Variants in RELL1 observed in about 807,000 individuals in gnomAD.
RELL1 encodes RELT like 1, also known as RELT-like protein 1.
Under a neutral mutation model 23.0 loss-of-function variants are expected in RELL1, and 10 were observed. That is an observed-to-expected ratio of 0.43 (90% CI 0.27 to 0.74). The LOEUF (loss-of-function observed/expected upper bound fraction) is 0.74. Among genes scored for constraint, RELL1 ranks in the 30% least tolerant of loss-of-function variants. The pLI is 0.19. For missense variants in RELL1, 315 were observed against 364.4 expected (o/e 0.86, Z 1.10); for synonymous variants, 146 against 146.8 (o/e 0.99, Z 0.04).
chr4:37,681,465 G>A (rs1331639548), intron 1 of RELL1, among the ~76,000 whole-genome samples: 2 of 151,104 alleles, frequency 1.3e-5, no homozygotes, highest in African/African-American at 2.4e-5. Flanking sequence ...TTTTACAGGT[G>A]AGGAAATGGA....
intron 1 of RELL1, among the ~76,000 whole-genome samples, chr4:37,680,399 G>T (rs1054355483): frequency 6.6e-6 from 1 of 152,108 alleles, no homozygotes; most frequent in Non-Finnish European, 1.5e-5. Context: ...ATGCACAGAG[G>T]CATTCATTGA....
At chr4:37,665,030 C>A (rs1028360837) in intron 1 of RELL1, among the ~76,000 whole-genome samples, 2 of 152,178 alleles carry the variant, frequency 1.3e-5, no homozygotes, top group Non-Finnish European at 2.9e-5. Context: ...ACAGTTCCTG[C>A]AACACAGTAG....
intron 1 of RELL1, among the ~76,000 whole-genome samples, chr4:37,663,212 C>T (rs1721415804): frequency 6.6e-6 from 1 of 152,152 alleles, no homozygotes; most frequent in African/African-American, 2.4e-5. Context: ...GCCCCTCCTC[C>T]TTTTGCTATT....
chr4:37,636,855 G>A (rs1286893064), intron 4 of RELL1, among the ~76,000 whole-genome samples: 3 of 152,044 alleles, frequency 2.0e-5, no homozygotes, highest in Non-Finnish European at 4.4e-5. Flanking sequence ...GATGCAAACT[G>A]GCCACCTACA....
At chr4:37,621,104 G>A (rs1719745904) in intron 6 of RELL1, among the ~76,000 whole-genome samples, 2 of 152,182 alleles carry the variant, frequency 1.3e-5, no homozygotes, top group African/African-American at 4.8e-5. Flanking sequence ...ACAGAAAATA[G>A]GTACTGTTTT....
At chr4:37,656,388 C>G (rs1577594099) in intron 1 of RELL1, among the ~76,000 whole-genome samples, 2 of 152,124 alleles carry the variant, frequency 1.3e-5, no homozygotes, top group African/African-American at 4.8e-5. Context: ...TCAACAGGCA[C>G]AAAATATAAA....
intron 1 of RELL1, among the ~76,000 whole-genome samples, chr4:37,659,743 T>C (rs1330308327): frequency 6.6e-6 from 1 of 152,146 alleles, no homozygotes; most frequent in African/African-American, 2.4e-5. Flanking sequence ...TCATTCACTC[T>C]GGGCTGACAC....
chr4:37,618,057 G>A (rs1719632568), intron 6 of RELL1, among the ~76,000 whole-genome samples: 1 of 152,164 alleles, frequency 6.6e-6, no homozygotes, highest in African/African-American at 2.4e-5. Context: ...TGTATGCAGG[G>A]AGGAAGCTTA....
intron 6 of RELL1, among the ~76,000 whole-genome samples, chr4:37,620,409 C>T (rs1335193516): frequency 6.6e-6 from 1 of 152,176 alleles, no homozygotes; most frequent in African/African-American, 2.4e-5. Context: ...ATTTACCAGC[C>T]TTTGAGATGG....
intron 6 of RELL1, among the ~76,000 whole-genome samples, chr4:37,618,045 A>C (rs925483850): frequency 1.3e-5 from 2 of 152,228 alleles, no homozygotes; most frequent in African/African-American, 2.4e-5. Flanking sequence ...GAAGGAGCTT[A>C]GTGTATGCAG....
downstream of RELL1, among the ~76,000 whole-genome samples, chr4:37,586,428 T>G (rs1050743626): frequency 2.6e-5 from 4 of 152,012 alleles, no homozygotes; most frequent in African/African-American, 9.7e-5. Flanking sequence ...TGAAGAAGGG[T>G]GGAGCACGGT....
At chr4:37,673,176 CTTT>C (rs970597747) in intron 1 of RELL1, among the ~76,000 whole-genome samples, 15 of 49,986 alleles carry the variant, frequency 3.0e-4, no homozygotes, top group African/African-American at 8.6e-4. Context: ...AGACTATATA[CTTT>C]TTTTTTCTTT....
chr4:37,653,123 CG>C (rs772204693), intron 1 of RELL1, among the ~76,000 whole-genome samples: 28 of 152,074 alleles, frequency 1.8e-4, no homozygotes, highest in Admixed American at 1.0e-3. Context: ...CAAGAAATTG[CG>C]TTTCCTTTTG....
chr4:37,594,846 C>T (rs1449984464), intron 6 of RELL1, among the ~76,000 whole-genome samples: 1 of 152,142 alleles, frequency 6.6e-6, no homozygotes, highest in Middle Eastern at 3.2e-3. Flanking sequence ...GAATGAGACA[C>T]CAGATGCAAG....
At chr4:37,615,100 C>T (rs941563341) in intron 6 of RELL1, among the ~76,000 whole-genome samples, 12 of 152,138 alleles carry the variant, frequency 7.9e-5, no homozygotes, top group Admixed American at 3.3e-4. Context: ...CTATGCACAA[C>T]GCTTAATACG....
At chr4:37,608,037 T>C (rs1281731327), downstream of RELL1, among the ~76,000 whole-genome samples, 8 of 152,234 alleles carry the variant, frequency 5.3e-5, no homozygotes, top group Admixed American at 5.2e-4. Flanking sequence ...ACTATTGTAA[T>C]TGTTTTGGGA....
intron 5 of RELL1, 99 bp from the exon 6 acceptor site, chr4:37,631,622 C>G (rs996102262): frequency 1.0e-5 from 14 of 1,355,416 alleles, no homozygotes; most frequent in Non-Finnish European, 1.4e-5. Flanking sequence ...CTCAAATGAA[C>G]TCAGCCAAAA....
chr4:37,669,496 G>C (rs1437198118), intron 1 of RELL1, among the ~76,000 whole-genome samples: 3 of 151,920 alleles, frequency 2.0e-5, no homozygotes, highest in Non-Finnish European at 2.9e-5. Context: ...GAAGTGAGGA[G>C]CCCCTCTGCC....
intron 6 of RELL1, among the ~76,000 whole-genome samples, chr4:37,598,095 A>ATATATATATAT (rs1174324006): frequency 6.3e-5 from 9 of 143,440 alleles, no homozygotes; most frequent in Non-Finnish European, 9.1e-5. Context: ...ATATATATAT[A>ATATATATATAT]ACTCCTCCTA....
Sources: gnomAD v4.1 joint callset for allele counts (sites outside exome capture counted in the v4.1 genomes callset) on GRCh38, gnomAD v4.1.1 for gene constraint, MANE v1.5 for transcripts, NCBI Gene and HGNC (gene_info 2026-07-23, HGNC 2026-07-21) for gene names.